SNAPC1: variants seen among roughly 807,000 people sequenced by gnomAD.
SNAPC1 encodes the protein small nuclear RNA activating complex polypeptide 1, also known as snRNA-activating protein complex subunit 1.
In SNAPC1, 42 loss-of-function variants were observed where a neutral mutation model predicts 50.1. The observed-to-expected ratio is 0.84, with a 90% confidence interval of 0.65 to 1.08. SNAPC1 has a LOEUF of 1.08. SNAPC1 is among the 50% of genes least tolerant of loss of function. The pLI, the probability that SNAPC1 is intolerant of heterozygous loss-of-function variation, is 0.00. For synonymous variants in SNAPC1, 164 were observed against 144.2 expected, an observed-to-expected ratio of 1.14 and a Z score of -0.98; for missense variants, 477 against 427.3, an observed-to-expected ratio of 1.12 and a Z score of -1.02.
chr14:61,794,970 G>T lies in SNAPC1; in HGVS notation c.1094G>T (p.Arg365Met). The change falls in exon 10 of 10, where the codon AGG becomes ATG. Residue 365 changes from arginine to methionine, a missense_variant. By Grantham distance (91) the Arg-to-Met change is moderately conservative. Coordinates refer to ENST00000216294, the MANE Select transcript of SNAPC1 (RefSeq NM_003082.4). ...TTAGAGTTCACTGCATCCAAGAAGA[G>T]GAGAAAACACTGAACAAAGAGCCTG... Reference protein sequence around the residue: ...SGTEFTASKKRRKH With the variant: ...SGTEFTASKKMRKH The T allele has an allele frequency of 1.3e-6, 2 of 1,580,618 alleles. No individual in the cohort carries two copies. Among genetic ancestry groups the T allele is most frequent in the Non-Finnish European group, 1.7e-6 (2 of 1,166,184 alleles).
At chr14:61,775,745 A>G (rs2045030959) in intron 4 of SNAPC1, among the ~76,000 whole-genome samples, 1 of 152,232 alleles carries the variant, frequency 6.6e-6, no homozygotes, top group South Asian at 2.1e-4. Context: ...CTTAGTTATC[A>G]GTAGTGATAT....
At chr14:61,792,342 G>T (rs10483747) in intron 8 of SNAPC1, among the ~76,000 whole-genome samples, 1 of 152,078 alleles carries the variant, frequency 6.6e-6, no homozygotes, top group Admixed American at 6.5e-5. Flanking sequence ...AAAGTCAATC[G>T]CAAATTATGA....
chr14:61,787,006 C>T (rs1394926481), intron 8 of SNAPC1, among the ~76,000 whole-genome samples: 1 of 152,182 alleles, frequency 6.6e-6, no homozygotes, highest in East Asian at 1.9e-4. Flanking sequence ...AATCTGAATT[C>T]AGTGTGCTCT....
intron 5 of SNAPC1, 69 bp from the exon 6 acceptor site, chr14:61,778,003 G>T: frequency 2.9e-6 from 2 of 692,648 alleles, no homozygotes; most frequent in South Asian, 4.7e-5. Context: ...TTCTAAAATT[G>T]ATTTGCAGTT....
chr14:61,782,993 A>G (rs1167009103), intron 8 of SNAPC1, among the ~76,000 whole-genome samples: 2 of 151,930 alleles, frequency 1.3e-5, no homozygotes, highest in Non-Finnish European at 2.9e-5. Flanking sequence ...ATAGTTATGA[A>G]ATCAGTCTAG....
chr14:61,780,644 C>T lies in SNAPC1; in HGVS notation c.826-1603C>T, dbSNP rs190055214. Among the ~76,000 whole-genome samples the T allele has an allele frequency of 2.1e-3, 320 of 152,206 alleles. 1 individual carries two copies. The highest frequency in any genetic ancestry group is 7.4e-3 in the African/African-American group (308 of 41,518). On this transcript the variant is annotated intron_variant, in intron 7 of 9. Coordinates refer to ENST00000216294, the MANE Select transcript of SNAPC1 (RefSeq NM_003082.4). ...CTCATTCTGTAGGGTTGTCTGTTTA[C>T]TCTGTTGTTTCTTTTGTTGTACAGA...
chr14:61,770,558 A>G (rs961737141), intron 4 of SNAPC1, among the ~76,000 whole-genome samples: 2 of 152,046 alleles, frequency 1.3e-5, no homozygotes, highest in Non-Finnish European at 2.9e-5. Flanking sequence ...CCACGTTGCA[A>G]TAACATCAGC....
In SNAPC1 at chr14:61,765,720, G is replaced by A. The variant is rs368960735; in HGVS notation, c.129-1156G>A. Among the ~76,000 whole-genome samples the A allele has an allele frequency of 9.8e-4, 149 of 152,258 alleles. 3 individuals carry two copies. In the South Asian group the frequency reaches 0.03, roughly 31 times the overall value. On this transcript the variant is annotated intron_variant, in intron 1 of 9. Coordinates refer to ENST00000216294, the MANE Select transcript of SNAPC1 (RefSeq NM_003082.4). ...TTCCTTAGTGATCTTGGGTGCCCAA[G>A]ATACTTTCCTTTCATGTACATTTCC...
intron 8 of SNAPC1, among the ~76,000 whole-genome samples, chr14:61,790,912 A>G (rs1232337200): frequency 6.6e-6 from 1 of 152,170 alleles, no homozygotes; most frequent in Admixed American, 6.5e-5. Flanking sequence ...ATTGCACCCC[A>G]CACATTTAGC....
chr14:61,782,388 A>G lies in SNAPC1; in HGVS notation c.967A>G (p.Arg323Gly). The change falls in exon 8 of 10, where the codon AGA (arginine) becomes GGA (glycine). Residue 323 changes from arginine to glycine, a missense_variant. Transcript: ENST00000216294. Reference protein sequence around the residue: ...LKPAGRKMSLRNKGNVQNIHK... With the variant: ...LKPAGRKMSLGNKGNVQNIHK... Reference sequence around the variant, plus strand: ...ACCAGCAGGAAGGAAGATGTCTCTCAGAAACAAAGGTAACTTTTTAAAGTC... The same window carrying G: ...ACCAGCAGGAAGGAAGATGTCTCTCGGAAACAAAGGTAACTTTTTAAAGTC... 1 of 1,607,556 alleles carries G rather than the reference A, an allele frequency of 6.2e-7. No homozygotes were observed. The highest frequency in any genetic ancestry group is 8.5e-7 in the Non-Finnish European group (1 of 1,178,232).
At chr14:61,791,876 GT>G (rs2045154605) in intron 8 of SNAPC1, among the ~76,000 whole-genome samples, 1 of 151,958 alleles carries the variant, frequency 6.6e-6, no homozygotes, top group African/African-American at 2.4e-5. Flanking sequence ...GTGTGCGGCA[GT>G]TTATATTAAA....
intron 9 of SNAPC1, 57 bp from the exon 10 acceptor site, chr14:61,794,892 T>C: frequency 8.1e-7 from 1 of 1,229,150 alleles, no homozygotes; most frequent in Admixed American, 1.8e-5. Flanking sequence ...GTTGTTTTTT[T>C]TGTTTGTTTT....
At chr14:61,771,117 G>T (rs2044987540) in intron 4 of SNAPC1, among the ~76,000 whole-genome samples, 1 of 152,118 alleles carries the variant, frequency 6.6e-6, no homozygotes, top group Non-Finnish European at 1.5e-5. Flanking sequence ...CCCCAAAAAG[G>T]TTAAGAATTA....
At chr14:61,785,268 G>A (rs555254254) in intron 8 of SNAPC1, among the ~76,000 whole-genome samples, 6 of 152,156 alleles carry the variant, frequency 3.9e-5, no homozygotes, top group African/African-American at 1.4e-4. Context: ...TGGGCTTGGT[G>A]GCACATGCAT....
chr14:61,776,806 A>G lies in SNAPC1; in HGVS notation c.693+553A>G, dbSNP rs559011780. Among the ~76,000 whole-genome samples, 112 of 152,264 alleles carry G rather than the reference A, an allele frequency of 7.4e-4. 4 individuals carry two copies. In the South Asian group the frequency reaches 0.022, roughly 30 times the overall value. On this transcript the variant is annotated intron_variant, in intron 5 of 9. Coordinates refer to ENST00000216294, the MANE Select transcript of SNAPC1 (RefSeq NM_003082.4). Reference sequence around the variant, plus strand: ...AGGGCAGGTGTTTCTCTGTTTACACATTGTCTACCTGGTATGGTTTATCTT... The same window carrying G: ...AGGGCAGGTGTTTCTCTGTTTACACGTTGTCTACCTGGTATGGTTTATCTT...
chr14:61,788,347 A>G (rs1488303910), intron 8 of SNAPC1, among the ~76,000 whole-genome samples: 1 of 152,222 alleles, frequency 6.6e-6, no homozygotes, highest in African/African-American at 2.4e-5. Flanking sequence ...TCAAACGTTC[A>G]TTTCCATACA....
chr14:61,770,141 T>G (rs1470116441), intron 4 of SNAPC1, among the ~76,000 whole-genome samples: 1 of 152,108 alleles, frequency 6.6e-6, no homozygotes, highest in East Asian at 1.9e-4. Context: ...TCCCTTTTTC[T>G]CCAGCCCTAC....
rs182959776 is a variant in SNAPC1 at position 61,789,504 on chromosome 14, C to T, written c.977-3303C>T. Among the ~76,000 whole-genome samples, 6 of 152,194 alleles carry T rather than the reference C, an allele frequency of 3.9e-5. No individual in the cohort carries two copies. The East Asian group carries it at 7.7e-4, about 20-fold the overall frequency. ...AGAAACTACCCATAAATGTCTGTAA[C>T]GTTTGGATTTTGTATAACCAAGTGT... On this transcript the variant is annotated intron_variant, in intron 8 of 9. Transcript: ENST00000216294.
rs769168509 is a variant in SNAPC1 at position 61,767,332 on chromosome 14, T to C, written c.409T>C (p.Phe137Leu). ...RKLRLDRAFHFTAMPKLLSYR... is the reference protein window; with the variant it reads ...RKLRLDRAFHLTAMPKLLSYR... ...GCTACGACTAGACAGAGCATTTCACTTTACAGCAATGCCCAAATTGGTATG... is the reference window on the plus strand; with the variant it reads ...GCTACGACTAGACAGAGCATTTCACCTTACAGCAATGCCCAAATTGGTATG... The change falls in exon 3 of 10, where the codon TTT becomes CTT. Residue 137 changes from phenylalanine (F) to leucine (L), a missense_variant. By Grantham distance (22) the Phe-to-Leu change is conservative. Transcript: ENST00000216294. 61 of 1,475,932 alleles carry C rather than the reference T, an allele frequency of 4.1e-5. No homozygotes were observed. Among genetic ancestry groups the C allele is most frequent in the Non-Finnish European group, 5.2e-5 (58 of 1,109,792 alleles). The allele number at this position is 1,475,932 out of a possible 1,614,324, so 91.4% of individuals were successfully genotyped here.
Sources: allele counts gnomAD v4.1 joint callset (sites outside exome capture counted in the v4.1 genomes callset), GRCh38; gene constraint gnomAD v4.1.1; transcripts MANE v1.5; gene names NCBI Gene and HGNC (gene_info 2026-07-23, HGNC 2026-07-21).